The following CSMD1 variants were observed in gnomAD, a reference collection of about 807,000 sequenced individuals.
CSMD1 encodes the protein CUB and sushi domain-containing protein 1.
CSMD1 carries 213 observed loss-of-function variants against 417.5 expected under a neutral mutation model. The observed-to-expected ratio is 0.51, with a 90% CI of 0.46 to 0.57. The LOEUF (loss-of-function observed/expected upper bound fraction) is 0.57. CSMD1 is among the 20% of genes least tolerant of loss of function. CSMD1 has a pLI of 0.00. For missense variants in CSMD1, 6,923 were observed against 4,529.7 expected, an observed-to-expected ratio of 1.53 and a Z score of -15.17; for synonymous variants, 2,862 against 1,736.8, an observed-to-expected ratio of 1.65 and a Z score of -16.11.
intron 25 of CSMD1, among the ~76,000 whole-genome samples, chr8:3,297,297 A>G (rs1392590856): frequency 2.0e-5 from 3 of 152,174 alleles, no homozygotes; most frequent in Admixed American, 6.5e-5. Flanking sequence ...AATCCAGGCA[A>G]TTTCTTTTGT....
rs538689238 is a variant in CSMD1 at position 4,942,176 on chromosome 8, T to C, written c.85+52156A>G. 5.9e-5 allele frequency among the ~76,000 whole-genome samples: 9 copies of C among 152,268 alleles called. No individual in the cohort carries two copies. The South Asian group carries it at 1.7e-3, about 28-fold the overall frequency. Reference sequence around the variant, plus strand: ...TTATTTTTCAAGTCACTTATTTTCATCCACTTTTGCTTCCTTCCCCCCAAC... The same window carrying C: ...TTATTTTTCAAGTCACTTATTTTCACCCACTTTTGCTTCCTTCCCCCCAAC... On this transcript the variant is annotated intron_variant, in intron 1 of 69. Transcript: ENST00000635120.
At chr8:4,442,787 T>C (rs1015181065) in intron 2 of CSMD1, among the ~76,000 whole-genome samples, 1 of 152,244 alleles carries the variant, frequency 6.6e-6, no homozygotes, top group Non-Finnish European at 1.5e-5. Flanking sequence ...CTGTGATAAC[T>C]TACAATTTTT....
intron 11 of CSMD1, among the ~76,000 whole-genome samples, chr8:3,479,854 C>T (rs985389138): frequency 2.0e-5 from 3 of 150,930 alleles, no homozygotes; most frequent in African/African-American, 7.3e-5. Flanking sequence ...AAATTATCTG[C>T]AAACAGATGA....
chr8:2,950,964 G>A (rs950424036), intron 66 of CSMD1, 150 bp downstream of exon 66: 7 of 639,418 alleles, frequency 1.1e-5, no homozygotes, highest in South Asian at 3.7e-5. Flanking sequence ...AACCTCTCAC[G>A]GCTAGGGAGA....
In CSMD1 at chr8:4,807,526, G is replaced by C. The variant is rs534554161; in HGVS notation, c.86-169968C>G. ...TCACCTAAACCCCAGACAAACCAGAGAGCAGGACACCAGTACGTGTTCATT... is the reference window on the plus strand; with the variant it reads ...TCACCTAAACCCCAGACAAACCAGACAGCAGGACACCAGTACGTGTTCATT... On this transcript the variant is annotated intron_variant, in intron 1 of 69. Transcript: ENST00000635120. Among the ~76,000 whole-genome samples, 7 of 152,274 alleles carry C rather than the reference G, an allele frequency of 4.6e-5. No homozygotes were observed. The East Asian group carries it at 7.7e-4, about 17-fold the overall frequency.
intron 5 of CSMD1, among the ~76,000 whole-genome samples, chr8:3,930,358 G>C (rs532647791): frequency 1.3e-5 from 2 of 150,578 alleles, no homozygotes; most frequent in Non-Finnish European, 3.0e-5. Context: ...AGAAATCAAT[G>C]TATTTTATGT....
chr8:3,716,544 G>C (rs1332893562), intron 6 of CSMD1, among the ~76,000 whole-genome samples: 4 of 152,148 alleles, frequency 2.6e-5, no homozygotes, highest in Non-Finnish European at 5.9e-5. Context: ...GATGGCCAGA[G>C]TCACTCTCGT....
In CSMD1 at chr8:3,023,651, A is replaced by G. The variant is rs1359282163; in HGVS notation, c.7856-5001T>C. The stretch of plus-strand genomic sequence containing the variant: ...AGTTAGAACAGCACAAACCCTTCAA[A>G]AAGTGGTAAATTTCTCAGCGGATTC... On this transcript the variant is annotated intron_variant, in intron 51 of 69. Transcript: ENST00000635120. Among the ~76,000 whole-genome samples the G allele has an allele frequency of 2.6e-5, 4 of 152,250 alleles. No individual in the cohort carries two copies. In the East Asian group the frequency reaches 7.7e-4, roughly 29 times the overall value.
chr8:4,233,602 C>T (rs1209545055), intron 3 of CSMD1, among the ~76,000 whole-genome samples: 1 of 152,076 alleles, frequency 6.6e-6, no homozygotes, highest in African/African-American at 2.4e-5. Flanking sequence ...GAAATGATCC[C>T]CAACCAGGAC....
chr8:4,972,165 C>T lies in CSMD1; in HGVS notation c.85+22167G>A, dbSNP rs138543099. ...CTGTAGGTAGAAATGAGACCACACACGTAGAAGTTATAAAAACAGAGACTT... is the reference window on the plus strand; with the variant it reads ...CTGTAGGTAGAAATGAGACCACACATGTAGAAGTTATAAAAACAGAGACTT... On this transcript the variant is annotated intron_variant, in intron 1 of 69. Transcript: ENST00000635120. Among the ~76,000 whole-genome samples, 622 of 152,072 alleles carry T rather than the reference C, an allele frequency of 4.1e-3. 6 individuals carry two copies. The highest frequency in any genetic ancestry group is 0.014 in the African/African-American group (600 of 41,470).
intron 5 of CSMD1, among the ~76,000 whole-genome samples, chr8:3,758,961 G>A (rs376172405): frequency 3.3e-5 from 5 of 152,130 alleles, no homozygotes; most frequent in East Asian, 3.9e-4. Flanking sequence ...ACGCATTGAG[G>A]GCTTCACCCT....
At chr8:4,454,899 G>C (rs567135119) in intron 2 of CSMD1, among the ~76,000 whole-genome samples, 4 of 152,222 alleles carry the variant, frequency 2.6e-5, no homozygotes, top group African/African-American at 9.6e-5. Context: ...TACACCTACA[G>C]AAACTGAAGT....
chr8:3,075,778 A>G (rs1813620768), intron 49 of CSMD1, among the ~76,000 whole-genome samples: 1 of 151,306 alleles, frequency 6.6e-6, no homozygotes, highest in Non-Finnish European at 1.5e-5. Flanking sequence ...GCGGTGGCTC[A>G]TGCCTGTAAT....
At chr8:4,190,695 A>G (rs934527069) in intron 3 of CSMD1, among the ~76,000 whole-genome samples, 2 of 152,190 alleles carry the variant, frequency 1.3e-5, no homozygotes, top group Non-Finnish European at 2.9e-5. Context: ...TTCATTATGA[A>G]TTAACAAACA....
chr8:4,438,265 G>C (rs937577262), intron 2 of CSMD1, among the ~76,000 whole-genome samples: 4 of 152,176 alleles, frequency 2.6e-5, no homozygotes, highest in Admixed American at 6.5e-5. Flanking sequence ...AGTTCTTTAA[G>C]GTTGAAGAGA....
chr8:4,257,222 G>T (rs558215691), intron 3 of CSMD1, among the ~76,000 whole-genome samples: 2 of 152,064 alleles, frequency 1.3e-5, no homozygotes, highest in African/African-American at 4.8e-5. Flanking sequence ...TATTGAAAGA[G>T]ACTAATACTA....
intron 1 of CSMD1, among the ~76,000 whole-genome samples, chr8:4,831,925 C>G (rs1242000145): frequency 2.0e-5 from 3 of 152,120 alleles, no homozygotes; most frequent in African/African-American, 4.8e-5. Context: ...CCCCTGAAAG[C>G]TGGGACCTTC....
At chr8:3,797,878 G>T (rs190875520) in intron 5 of CSMD1, among the ~76,000 whole-genome samples, 35 of 152,106 alleles carry the variant, frequency 2.3e-4, no homozygotes, top group Admixed American at 2.1e-3. Flanking sequence ...CCCACAGTAA[G>T]TGAGCATGCA....
At chr8:4,456,625 A>G (rs1383324216) in intron 2 of CSMD1, among the ~76,000 whole-genome samples, 3 of 152,158 alleles carry the variant, frequency 2.0e-5, no homozygotes, top group Admixed American at 1.3e-4. Context: ...AATATTAAAC[A>G]TATTTAATCA....
Sources: gnomAD v4.1 joint callset for allele counts (sites outside exome capture counted in the v4.1 genomes callset) on GRCh38, gnomAD v4.1.1 for gene constraint, MANE v1.5 for transcripts, NCBI Gene and HGNC (gene_info 2026-07-23, HGNC 2026-07-21) for gene names.